STK33: variants seen among roughly 807,000 people sequenced by gnomAD.
The protein encoded by STK33 is serine/threonine-protein kinase 33.
In STK33, 52 loss-of-function variants were observed where a neutral mutation model predicts 58.0. The ratio of observed to expected loss-of-function variants is 0.90; its 90% confidence interval spans 0.72 to 1.13. The LOEUF (loss-of-function observed/expected upper bound fraction) is 1.13. Among genes scored for constraint, STK33 ranks in the 50% most tolerant of loss-of-function variants. The pLI, the probability that STK33 is intolerant of heterozygous loss-of-function variation, is 0.00. For missense variants in STK33, 630 were observed against 604.2 expected (o/e 1.04, Z -0.45); for synonymous variants, 215 against 200.1 (o/e 1.07, Z -0.63).
At chr11:8,569,986 T>C (rs1462790256) in intron 1 of STK33, among the ~76,000 whole-genome samples, 1 of 151,622 alleles carries the variant, frequency 6.6e-6, no homozygotes, top group East Asian at 1.9e-4. Flanking sequence ...AGAAAACGAA[T>C]AGGCAAGCCA....
intron 1 of STK33, among the ~76,000 whole-genome samples, chr11:8,520,169 G>C (rs1026934076): frequency 6.6e-6 from 1 of 152,120 alleles, no homozygotes; most frequent in African/African-American, 2.4e-5. Flanking sequence ...TTCATCCCTG[G>C]GATGCAAGGC....
chr11:8,357,310 T>C, the STK33 span, among the ~76,000 whole-genome samples: 1 of 152,238 alleles, frequency 6.6e-6, no homozygotes, highest in Non-Finnish European at 1.5e-5. Flanking sequence ...TGTGGACAGC[T>C]GGGAGCCCGC....
chr11:8,370,252 T>C, the STK33 span, among the ~76,000 whole-genome samples: 1 of 151,920 alleles, frequency 6.6e-6, no homozygotes, highest in African/African-American at 2.4e-5. Context: ...GGCTGGAGTA[T>C]AGTGGCACGA....
intron 12 of STK33, among the ~76,000 whole-genome samples, chr11:8,440,366 A>T (rs1395653527): frequency 1.3e-5 from 2 of 152,152 alleles, no homozygotes; most frequent in African/African-American, 4.8e-5. Context: ...CTCATGAGAA[A>T]ACACAAAGAA....
chr11:8,508,871 C>A (rs1952079874), intron 1 of STK33, among the ~76,000 whole-genome samples: 1 of 152,180 alleles, frequency 6.6e-6, no homozygotes, highest in Non-Finnish European at 1.5e-5. Flanking sequence ...AATCCCAGCA[C>A]TTTGGGAGGC....
At chr11:8,556,357 GCAGGAATT>G (rs925490548) in intron 1 of STK33, among the ~76,000 whole-genome samples, 4 of 152,218 alleles carry the variant, frequency 2.6e-5, no homozygotes, top group African/African-American at 7.2e-5. Context: ...ATGTAAGCCT[GCAGGAATT>G]CAGGAATTCA....
rs959175926 is a variant in STK33 at position 8,392,057 on chromosome 11, T to C, written c.*453A>G. 1.2e-5 allele frequency: 2 copies of C among 167,340 alleles called. No individual in the cohort carries two copies. Among genetic ancestry groups the C allele is most frequent in the African/African-American group, 4.8e-5 (2 of 41,654 alleles). 10.4% of individuals were successfully genotyped at this position (167,340 alleles called of 1,614,324 possible). A position where few individuals can be genotyped will look rare whatever the true frequency, so the allele number is the denominator to read the frequency against. On this transcript the variant is annotated 3_prime_UTR_variant, in exon 16 of 16. Transcript: ENST00000687296. ...TGAAGCACTTCTGCTGTAATACGTATGGCAAGTTTATTAGTAATTTTCTAA... is the reference window on the plus strand; with the variant it reads ...TGAAGCACTTCTGCTGTAATACGTACGGCAAGTTTATTAGTAATTTTCTAA...
At chr11:8,504,330 G>A (rs1180247393) in intron 1 of STK33, among the ~76,000 whole-genome samples, 2 of 152,174 alleles carry the variant, frequency 1.3e-5, no homozygotes, top group East Asian at 3.8e-4. Flanking sequence ...AGCACAGAGA[G>A]CCCTTTGACA....
intron 1 of STK33, among the ~76,000 whole-genome samples, chr11:8,506,866 A>C (rs548327696): frequency 6.6e-6 from 1 of 152,148 alleles, no homozygotes; most frequent in East Asian, 1.9e-4. Context: ...ATGCACATAC[A>C]TATGTGTGTG....
intron 1 of STK33, among the ~76,000 whole-genome samples, chr11:8,559,099 A>C (rs1591793921): frequency 6.6e-6 from 1 of 152,072 alleles, no homozygotes; most frequent in Non-Finnish European, 1.5e-5. Flanking sequence ...TGAAACTACA[A>C]CCTCCTTCAT....
intron 11 of STK33, among the ~76,000 whole-genome samples, chr11:8,450,304 G>T (rs1465578379): frequency 6.6e-6 from 1 of 152,018 alleles, no homozygotes; most frequent in African/African-American, 2.4e-5. Flanking sequence ...AGTACCACAG[G>T]AACATAAAAC....
intron 13 of STK33, among the ~76,000 whole-genome samples, 169 bp from the exon 14 acceptor site, chr11:8,435,748 A>T (rs541906656): frequency 3.4e-4 from 52 of 152,300 alleles, no homozygotes; most frequent in Non-Finnish European, 4.1e-4. Flanking sequence ...CCTAAAGTGA[A>T]GTTTTATTGC....
intron 11 of STK33, among the ~76,000 whole-genome samples, chr11:8,441,356 T>C (rs959774462): frequency 6.6e-6 from 1 of 151,782 alleles, no homozygotes; most frequent in Non-Finnish European, 1.5e-5. Context: ...TGTGTGTGTG[T>C]ATTTTTTTTT....
At chr11:8,523,101 T>C (rs951854356) in intron 1 of STK33, among the ~76,000 whole-genome samples, 3 of 152,232 alleles carry the variant, frequency 2.0e-5, no homozygotes, top group East Asian at 1.9e-4. Context: ...GTGCTCAATG[T>C]TGCCCAGGCT....
At chr11:8,582,822 A>G (rs1275640891) in intron 1 of STK33, among the ~76,000 whole-genome samples, 8 of 152,330 alleles carry the variant, frequency 5.3e-5, no homozygotes, top group East Asian at 1.9e-4. Flanking sequence ...AACCAATGAG[A>G]TAAGTCACCA....
chr11:8,418,089 T>G (rs941587526), intron 14 of STK33, among the ~76,000 whole-genome samples: 1 of 152,164 alleles, frequency 6.6e-6, no homozygotes, highest in Non-Finnish European at 1.5e-5. Context: ...CTTTTCATTT[T>G]TTTTTTAATT....
At chr11:8,362,583 C>CA in the STK33 span, among the ~76,000 whole-genome samples, 24 of 152,266 alleles carry the variant, frequency 1.6e-4, no homozygotes, top group African/African-American at 2.2e-4. Flanking sequence ...GTTCACCCAA[C>CA]AAAAAAACCA....
chr11:8,470,692 A>G (rs371337295), intron 6 of STK33, among the ~76,000 whole-genome samples: 16 of 152,248 alleles, frequency 1.1e-4, no homozygotes, highest in African/African-American at 3.6e-4. Flanking sequence ...AGGGTTATTA[A>G]TTGTCCTAAT....
chr11:8,381,436 G>A, the STK33 span, among the ~76,000 whole-genome samples: 2 of 152,104 alleles, frequency 1.3e-5, no homozygotes, highest in African/African-American at 2.4e-5. Flanking sequence ...GTTGACCCAC[G>A]GAGAATGAAA....
Sources: allele counts gnomAD v4.1 joint callset (sites outside exome capture counted in the v4.1 genomes callset), GRCh38; gene constraint gnomAD v4.1.1; transcripts MANE v1.5; gene names NCBI Gene and HGNC (gene_info 2026-07-23, HGNC 2026-07-21).